Variants in XKR6 observed in about 807,000 individuals in gnomAD.
XKR6 encodes the protein XK-related protein 6.
XKR6 carries 22 observed loss-of-function variants against 56.7 expected under a neutral mutation model. The ratio of observed to expected loss-of-function variants is 0.39; its 90% confidence interval spans 0.28 to 0.55. The LOEUF (loss-of-function observed/expected upper bound fraction) is 0.55. Among genes scored for constraint, XKR6 ranks in the 20% least tolerant of loss-of-function variants. XKR6 has a pLI of 0.66. For synonymous variants in XKR6, 524 were observed against 387.8 expected (o/e 1.35, Z -4.13); for missense variants, 852 against 889.0 (o/e 0.96, Z 0.53).
At chr8:11,157,494 G>GTATGTATA (rs1198186408) in intron 1 of XKR6, among the ~76,000 whole-genome samples, 13 of 129,698 alleles carry the variant, frequency 1.0e-4, no homozygotes, top group South Asian at 4.4e-4. Flanking sequence ...AGGTATGTAT[G>GTATGTATA]TATGTATGTA....
chr8:11,005,273 T>G (rs894086878), intron 1 of XKR6, among the ~76,000 whole-genome samples: 5 of 152,128 alleles, frequency 3.3e-5, no homozygotes, highest in Non-Finnish European at 7.3e-5. Flanking sequence ...ATTTTCAGAA[T>G]TTCCCATTTA....
intron 1 of XKR6, chr8:11,108,360 A>G (rs1259375747): frequency 2.2e-6 from 1 of 456,276 alleles, no homozygotes; most frequent in Non-Finnish European, 4.4e-6. Flanking sequence ...TACAATTTGA[A>G]GTACACATGT....
chr8:11,108,657 G>T (rs565183933), intron 1 of XKR6: 43 of 247,570 alleles, frequency 1.7e-4, no homozygotes, highest in Admixed American at 1.1e-3. Context: ...ATGTGGCTCA[G>T]TTCTATGCGT....
chr8:11,144,227 T>TGTGC, intron 1 of XKR6, among the ~76,000 whole-genome samples: 1 of 144,632 alleles, frequency 6.9e-6, no homozygotes, highest in Middle Eastern at 3.5e-3. Context: ...ATAAAAAGTG[T>TGTGC]GTGTGTGTGT....
intron 1 of XKR6, among the ~76,000 whole-genome samples, chr8:10,961,987 G>C (rs992300983): frequency 2.6e-5 from 4 of 152,128 alleles, no homozygotes; most frequent in Non-Finnish European, 5.9e-5. Flanking sequence ...GAGAGTAAAA[G>C]CTATCCCTTT....
intron 1 of XKR6, among the ~76,000 whole-genome samples, chr8:11,050,898 T>C (rs1183262524): frequency 6.6e-6 from 1 of 152,102 alleles, no homozygotes; most frequent in Non-Finnish European, 1.5e-5. Flanking sequence ...GTGGTCACCC[T>C]CATCCTCAGA....
chr8:11,196,506 C>G (rs915968212), intron 1 of XKR6, among the ~76,000 whole-genome samples: 2 of 152,164 alleles, frequency 1.3e-5, no homozygotes, highest in Non-Finnish European at 2.9e-5. Flanking sequence ...TTGAGTACAC[C>G]TGAGGTACTT....
intron 1 of XKR6, among the ~76,000 whole-genome samples, chr8:10,982,902 C>T (rs1358473848): frequency 6.6e-6 from 1 of 152,220 alleles, no homozygotes; most frequent in African/African-American, 2.4e-5. Flanking sequence ...GGACAGCTGG[C>T]TCCACTGGGA....
chr8:11,091,337 C>T (rs577683479), intron 1 of XKR6, among the ~76,000 whole-genome samples: 97 of 152,116 alleles, frequency 6.4e-4, no homozygotes, highest in Middle Eastern at 3.4e-3. Context: ...ACTTGGAAGG[C>T]TGAGGTAGGA....
chr8:10,953,508 T>G (rs1172687337), intron 1 of XKR6, among the ~76,000 whole-genome samples: 1 of 152,176 alleles, frequency 6.6e-6, no homozygotes, highest in African/African-American at 2.4e-5. Context: ...TCTTAATAAA[T>G]TACCTAGTCT....
chr8:11,062,895 C>G, intron 1 of XKR6: 1 of 455,188 alleles, frequency 2.2e-6, no homozygotes, highest in South Asian at 1.6e-5. Context: ...AGACGTCGTA[C>G]TGAAATTCCC....
At chr8:11,180,934 A>G (rs1802940865) in intron 1 of XKR6, among the ~76,000 whole-genome samples, 1 of 152,192 alleles carries the variant, frequency 6.6e-6, no homozygotes, top group South Asian at 2.1e-4. Flanking sequence ...AAAATGTTGT[A>G]ACAATTCATT....
chr8:11,167,063 A>T (rs976208284), intron 1 of XKR6, among the ~76,000 whole-genome samples: 1 of 152,088 alleles, frequency 6.6e-6, no homozygotes, highest in Non-Finnish European at 1.5e-5. Flanking sequence ...TTTTAAATGG[A>T]CTACTGCAAG....
At position 10,908,404 on chromosome 8, in the gene XKR6, C is replaced by T. The variant is rs549369124; in HGVS notation, c.962-9488G>A. The stretch of plus-strand genomic sequence containing the variant: ...ATATATATATATATATGGAGTCACC[C>T]GTGGAACCAGCCTGCTTCCCCCTCC... On this transcript the variant is annotated intron_variant, in intron 2 of 2. Coordinates refer to ENST00000416569, the MANE Select transcript of XKR6 (RefSeq NM_173683.4). Among the ~76,000 whole-genome samples the T allele has an allele frequency of 3.2e-4, 48 of 151,888 alleles. 1 individual carries two copies. Among genetic ancestry groups the T allele is most frequent in the African/African-American group, 9.2e-4 (38 of 41,368 alleles).
intron 1 of XKR6, chr8:11,137,455 C>T (rs754936324): frequency 4.8e-6 from 2 of 416,972 alleles, no homozygotes; most frequent in Non-Finnish European, 9.5e-6. Flanking sequence ...TCCCTTACAT[C>T]TTCAGCCGAC....
chr8:11,023,092 G>C (rs947445818), intron 1 of XKR6, among the ~76,000 whole-genome samples: 1 of 152,156 alleles, frequency 6.6e-6, no homozygotes, highest in African/African-American at 2.4e-5. Flanking sequence ...CTGATGTGCC[G>C]AACAAAACCA....
At chr8:11,143,536 T>G (rs909798428) in intron 1 of XKR6, among the ~76,000 whole-genome samples, 4 of 152,150 alleles carry the variant, frequency 2.6e-5, no homozygotes, top group Non-Finnish European at 5.9e-5. Context: ...ACCTACAGAT[T>G]AGGAGACTTA....
At chr8:11,062,790 G>A (rs1258765876) in intron 1 of XKR6, 5 of 456,266 alleles carry the variant, frequency 1.1e-5, no homozygotes, top group Non-Finnish European at 2.2e-5. Flanking sequence ...CCTGGGCACA[G>A]AGCCAGCCCC....
chr8:11,114,706 A>C (rs1247538126), intron 1 of XKR6, among the ~76,000 whole-genome samples: 2 of 150,290 alleles, frequency 1.3e-5, no homozygotes, highest in Non-Finnish European at 3.0e-5. Context: ...ATTTTAATGA[A>C]GTCAGCTACT....
Sources: gnomAD v4.1 joint callset for allele counts (sites outside exome capture counted in the v4.1 genomes callset) on GRCh38, gnomAD v4.1.1 for gene constraint, MANE v1.5 for transcripts, NCBI Gene and HGNC (gene_info 2026-07-23, HGNC 2026-07-21) for gene names.